Variants in NOL10 observed in about 807,000 individuals in gnomAD.
NOL10 encodes nucleolar protein 10, also known as H_NH0074G24.1.
A neutral mutation model predicts 103.5 loss-of-function variants in NOL10; 58 were observed. The observed-to-expected ratio is 0.56, with a 90% CI of 0.45 to 0.70. NOL10 has a LOEUF of 0.70. NOL10 is among the 30% of genes least tolerant of loss of function. The pLI, the probability that NOL10 is intolerant of heterozygous loss-of-function variation, is 0.00. For synonymous variants in NOL10, 287 were observed against 282.5 expected (o/e 1.02, Z -0.16); for missense variants, 763 against 807.3 (o/e 0.95, Z 0.67).
Position 10,571,782 on chromosome 2 carries a change from T to TGAA in NOL10, c.*288_*289insTTC. ...ATTTCATGGTGTACATTTCACAATA[T>TGAA]TAAAAAAACCCCAGCCTGGTTTTCA... On this transcript the variant is annotated 3_prime_UTR_variant, in exon 21 of 21. Coordinates refer to ENST00000381685, the MANE Select transcript of NOL10 (RefSeq NM_024894.4). 4.1e-6 allele frequency: 1 copy of TGAA among 241,888 alleles called. No homozygotes were observed. The highest frequency in any genetic ancestry group is 3.0e-5 in the African/African-American group (1 of 33,148). 15.0% of individuals were successfully genotyped at this position (241,888 alleles called of 1,614,324 possible). A position where few individuals can be genotyped will look rare whatever the true frequency, so the allele number is the denominator to read the frequency against.
intron 13 of NOL10, among the ~76,000 whole-genome samples, chr2:10,618,576 T>C (rs931683350): frequency 2.6e-5 from 4 of 152,248 alleles, no homozygotes; most frequent in Non-Finnish European, 5.9e-5. Flanking sequence ...TGTGTTTTCC[T>C]ATTTTTGTAT....
chr2:10,686,449 A>C (rs1682212560), intron 1 of NOL10, among the ~76,000 whole-genome samples: 1 of 152,180 alleles, frequency 6.6e-6, no homozygotes, highest in African/African-American at 2.4e-5. Flanking sequence ...GCACAACATC[A>C]AGTAGGACCT....
intron 12 of NOL10, among the ~76,000 whole-genome samples, chr2:10,649,542 A>T (rs1324074667): frequency 6.6e-6 from 1 of 151,596 alleles, no homozygotes; most frequent in African/African-American, 2.4e-5. Flanking sequence ...CTAGTCTCGA[A>T]CTCCTGACCT....
chr2:10,662,813 C>G (rs1212037698), intron 9 of NOL10, 146 bp downstream of exon 9: 3 of 647,770 alleles, frequency 4.6e-6, no homozygotes, highest in African/African-American at 3.6e-5. Context: ...CACTAGTGAG[C>G]TTTTACAGGA....
chr2:10,577,776 T>C (rs1558264042), intron 19 of NOL10, 38 bp from the exon 20 acceptor site: 2 of 1,358,814 alleles, frequency 1.5e-6, no homozygotes, highest in African/African-American at 2.9e-5. Context: ...TTAATCAAAA[T>C]TATGTTTTAA....
chr2:10,587,112 T>C lies in NOL10; in HGVS notation c.1844+1931A>G, dbSNP rs1394727922. ...ACATATATATACACATATATATACATATATATACATATATATACATATATA... is the reference window on the plus strand; with the variant it reads ...ACATATATATACACATATATATACACATATATACATATATATACATATATA... On this transcript the variant is annotated intron_variant, in intron 19 of 20. Transcript: ENST00000381685. 2.7e-4 allele frequency among the ~76,000 whole-genome samples: 11 copies of C among 40,662 alleles called. 3 individuals are homozygous for C. The highest frequency in any genetic ancestry group is 9.2e-4 in the African/African-American group (6 of 6,554). 26.7% of individuals were successfully genotyped at this position (40,662 alleles called of 152,430 possible).
intron 19 of NOL10, among the ~76,000 whole-genome samples, chr2:10,579,560 CTTTT>C (rs398043037): frequency 6.9e-6 from 1 of 144,354 alleles, no homozygotes. Context: ...TTTCGGTTAG[CTTTT>C]TTTTTTTTTT....
Position 10,671,484 on chromosome 2 carries a change from C to A in NOL10, c.464+70G>T. ...AAGTTACCTAAACAGAGAAAATGTA[C>A]ACGAAATTTAGGAACAGAAGTTGGT... On this transcript the variant is annotated intron_variant, in intron 6 of 20. Coordinates refer to ENST00000381685, the MANE Select transcript of NOL10 (RefSeq NM_024894.4). 4 of 1,231,172 alleles carry A rather than the reference C, an allele frequency of 3.2e-6. No individual in the cohort carries two copies. In the South Asian group the frequency reaches 7.4e-5, roughly 23 times the overall value. The allele number at this position is 1,231,172 out of a possible 1,614,324, so 76.3% of individuals were successfully genotyped here.
At chr2:10,618,574 C>A (rs1676962980) in intron 13 of NOL10, among the ~76,000 whole-genome samples, 1 of 152,128 alleles carries the variant, frequency 6.6e-6, no homozygotes, top group South Asian at 2.1e-4. Flanking sequence ...CATGTGTTTT[C>A]CTATTTTTGT....
intron 6 of NOL10, among the ~76,000 whole-genome samples, 193 bp from the exon 7 acceptor site, chr2:10,668,916 C>T (rs1225465313): frequency 6.6e-6 from 1 of 152,070 alleles, no homozygotes; most frequent in Non-Finnish European, 1.5e-5. Flanking sequence ...TTAAACCATT[C>T]ATGTGCCAAG....
intron 5 of NOL10, among the ~76,000 whole-genome samples, 193 bp from the exon 6 acceptor site, chr2:10,671,883 C>T (rs917571768): frequency 6.6e-6 from 1 of 152,168 alleles, no homozygotes; most frequent in Non-Finnish European, 1.5e-5. Context: ...TTAATGCCTT[C>T]CTGTATCCTG....
intron 13 of NOL10, among the ~76,000 whole-genome samples, chr2:10,613,018 G>T (rs1194278410): frequency 1.4e-5 from 2 of 139,344 alleles, no homozygotes; most frequent in Non-Finnish European, 3.0e-5. Context: ...AAAAAAGAGA[G>T]AAAGAAGACC....
At chr2:10,664,947 GA>G (rs1177718736) in intron 8 of NOL10, among the ~76,000 whole-genome samples, 1 of 152,164 alleles carries the variant, frequency 6.6e-6, no homozygotes. Context: ...GGGTGGAAGG[GA>G]ATTACACTTT....
intron 7 of NOL10, among the ~76,000 whole-genome samples, chr2:10,668,105 A>T (rs1037992377): frequency 5.9e-5 from 9 of 152,166 alleles, no homozygotes; most frequent in Non-Finnish European, 1.3e-4. Context: ...TAAGTTTAAA[A>T]TGAGATAATA....
chr2:10,686,896 A>T (rs1172534856), intron 1 of NOL10, among the ~76,000 whole-genome samples: 1 of 152,194 alleles, frequency 6.6e-6, no homozygotes, highest in Non-Finnish European at 1.5e-5. Context: ...TAAGTTTGAG[A>T]TGCCTATCAG....
chr2:10,682,471 C>T (rs988776188), intron 2 of NOL10, among the ~76,000 whole-genome samples: 6 of 150,458 alleles, frequency 4.0e-5, no homozygotes, highest in Admixed American at 4.0e-4. Context: ...ACAATCATGG[C>T]TCACTGCAGC....
chr2:10,595,602 TTGTTTGTTTGTTTG>T (rs1675645064), intron 17 of NOL10, among the ~76,000 whole-genome samples: 3 of 79,464 alleles, frequency 3.8e-5, no homozygotes, highest in Non-Finnish European at 6.7e-5. Context: ...TGTTTTGTTT[TTGTTTGTTTGTTTG>T]TTTTTTGAGA....
intron 8 of NOL10, among the ~76,000 whole-genome samples, chr2:10,666,046 C>T (rs990591597): frequency 2.6e-5 from 4 of 152,102 alleles, no homozygotes; most frequent in African/African-American, 9.7e-5. Context: ...CCCTCCCTTC[C>T]CCATCCAGTA....
intron 20 of NOL10, among the ~76,000 whole-genome samples, chr2:10,573,591 A>G (rs1674297085): frequency 6.7e-6 from 1 of 148,984 alleles, no homozygotes; most frequent in East Asian, 2.0e-4. Flanking sequence ...GATATTACCC[A>G]CTCTTCTAAA....
Sources: gnomAD v4.1 joint callset for allele counts (sites outside exome capture counted in the v4.1 genomes callset) on GRCh38, gnomAD v4.1.1 for gene constraint, MANE v1.5 for transcripts, NCBI Gene and HGNC (gene_info 2026-07-23, HGNC 2026-07-21) for gene names.